The following PRKDC variants were observed in gnomAD, a reference collection of about 807,000 sequenced individuals.
The protein encoded by PRKDC is DNA-dependent protein kinase catalytic subunit.
Under a neutral mutation model 486.9 loss-of-function variants are expected in PRKDC, and 82 were observed. That is an observed-to-expected ratio of 0.17 (90% CI 0.14 to 0.20). PRKDC has a LOEUF of 0.20. Ranked by LOEUF, PRKDC falls within the 10% of genes least tolerant of loss-of-function variation. The pLI is 1.00. For synonymous variants in PRKDC, 1,895 were observed against 1,837.0 expected, an observed-to-expected ratio of 1.03 and a Z score of -0.81; for missense variants, 4,504 against 5,038.2, an observed-to-expected ratio of 0.89 and a Z score of 3.21.
chr8:47,856,380 A>G (rs1294095370), intron 49 of PRKDC, among the ~76,000 whole-genome samples: 1 of 152,036 alleles, frequency 6.6e-6, no homozygotes, highest in East Asian at 1.9e-4. Flanking sequence ...GACATGCAGC[A>G]CCATGTCCAG....
At chr8:47,864,101 T>C (rs1056042088) in intron 41 of PRKDC, among the ~76,000 whole-genome samples, 1 of 151,824 alleles carries the variant, frequency 6.6e-6, no homozygotes, top group Non-Finnish European at 1.5e-5. Flanking sequence ...TTATTTTGGA[T>C]TGTACAGGTG....
chr8:47,879,834 CT>C (rs759336069), intron 38 of PRKDC, among the ~76,000 whole-genome samples, 176 bp from the exon 39 acceptor site: 1,274 of 99,214 alleles, frequency 0.013, 1 homozygote, highest in Middle Eastern at 0.032. Context: ...TATACCTCAG[CT>C]TTTTTTTTTT....
At chr8:47,872,606 C>A (rs2088980323) in intron 40 of PRKDC, among the ~76,000 whole-genome samples, 1 of 151,734 alleles carries the variant, frequency 6.6e-6, no homozygotes, top group African/African-American at 2.4e-5. Context: ...ATATTTCATG[C>A]CAATGGAAAC....
intron 7 of PRKDC, among the ~76,000 whole-genome samples, chr8:47,946,685 G>C (rs1008240963): frequency 1.4e-4 from 22 of 152,218 alleles, no homozygotes; most frequent in African/African-American, 5.3e-4. Context: ...TGTATAGCCT[G>C]AAGTCTGATT....
At position 47,955,968 on chromosome 8, in the gene PRKDC, T is replaced by C; in HGVS notation, c.325-20A>G. The stretch of plus-strand genomic sequence containing the variant: ...AGTGTTCTAGGTTTTAAAAAAAAAA[T>C]AACCAAAATCATCAATAAGATATAA... On this transcript the variant is annotated intron_variant, in intron 3 of 85. Coordinates refer to ENST00000314191, the MANE Select transcript of PRKDC (RefSeq NM_006904.7). 6.7e-7 allele frequency: 1 copy of C among 1,492,670 alleles called. No individual in the cohort carries two copies. Among genetic ancestry groups the C allele is most frequent in the Non-Finnish European group, 9.2e-7 (1 of 1,089,064 alleles). 92.5% of individuals were successfully genotyped at this position (1,492,670 alleles called of 1,614,324 possible).
At chr8:47,775,805 A>G (rs1269948076) in intron 85 of PRKDC, among the ~76,000 whole-genome samples, 1 of 149,920 alleles carries the variant, frequency 6.7e-6, no homozygotes, top group African/African-American at 2.4e-5. Context: ...CAAGGTCAGG[A>G]TGATTTACTC....
intron 52 of PRKDC, 38 bp from the exon 53 acceptor site, chr8:47,849,541 G>T: frequency 6.2e-7 from 1 of 1,603,050 alleles, no homozygotes. Flanking sequence ...CACAAAAGTG[G>T]AAATGTAGGT....
chr8:47,782,577 G>A lies in PRKDC; in HGVS notation c.11197C>T (p.Arg3733Ter), dbSNP rs1387336554. The A allele has an allele frequency of 6.4e-7, 1 of 1,563,454 alleles. No individual in the cohort carries two copies. The change falls in exon 79 of 86, where the codon CGA (arginine) becomes TGA (stop). Residue 3733 changes from arginine to a stop codon, truncating the protein, a stop_gained. Coordinates refer to ENST00000314191, the MANE Select transcript of PRKDC (RefSeq NM_006904.7). LOFTEE classifies it high-confidence loss of function. The surrounding 1 kb of genome is among the most constrained non-coding windows in gnomAD (Gnocchi z 4.9). Reference protein sequence around the residue: ...DERVTVMASLRRPKRIIIRGH... With the variant: ...DERVTVMASL Reference sequence around the variant, plus strand: ...CGGATGATGATGCGCTTGGGCCTTCGCAGAGACGCCATGACTGTCACCTTC... The same window carrying A: ...CGGATGATGATGCGCTTGGGCCTTCACAGAGACGCCATGACTGTCACCTTC...
intron 40 of PRKDC, among the ~76,000 whole-genome samples, chr8:47,873,806 T>C (rs2089019610): frequency 6.6e-6 from 1 of 151,860 alleles, no homozygotes; most frequent in South Asian, 2.1e-4. Context: ...CCAAAAATCA[T>C]TAAAACAATT....
chr8:47,797,631 C>T lies in PRKDC; in HGVS notation c.10458+606G>A, dbSNP rs377341896. Among the ~76,000 whole-genome samples, 14 of 152,326 alleles carry T rather than the reference C, an allele frequency of 9.2e-5. 1 individual carries two copies. Among genetic ancestry groups the T allele is most frequent in the African/African-American group, 3.4e-4 (14 of 41,580 alleles). On this transcript the variant is annotated intron_variant, in intron 73 of 85. Coordinates refer to ENST00000314191, the MANE Select transcript of PRKDC (RefSeq NM_006904.7). The stretch of plus-strand genomic sequence containing the variant: ...TCAACTACGAAGCCTTTCAGAGGCC[C>T]TACACTTTGCAAATGAAGTCAGTGG...
chr8:47,894,191 G>A (rs1225515639), intron 30 of PRKDC, among the ~76,000 whole-genome samples: 1 of 152,092 alleles, frequency 6.6e-6, no homozygotes, highest in African/African-American at 2.4e-5. Flanking sequence ...TGAGGCAGGA[G>A]AATCGCTTAA....
At chr8:47,890,904 T>C (rs1021505551) in intron 31 of PRKDC, among the ~76,000 whole-genome samples, 2 of 152,208 alleles carry the variant, frequency 1.3e-5, no homozygotes, top group Admixed American at 1.3e-4. Flanking sequence ...TTAGCACTGT[T>C]ATCAATAATG....
In PRKDC at chr8:47,900,470, G is replaced by A. The variant is rs2089658961; in HGVS notation, c.3270-3C>T. On this transcript the variant is annotated splice_region_variant and splice_polypyrimidine_tract_variant and intron_variant, in intron 27 of 85. Transcript: ENST00000314191. ...GTTCCACCAGAGACTCTTCTTCCCTGTAAAATAAAGAATAGGAAACCTCAC... is the reference window on the plus strand; with the variant it reads ...GTTCCACCAGAGACTCTTCTTCCCTATAAAATAAAGAATAGGAAACCTCAC... 3 of 1,597,468 alleles carry A rather than the reference G, an allele frequency of 1.9e-6. No individual in the cohort carries two copies. Among genetic ancestry groups the A allele is most frequent in the East Asian group, 2.2e-5 (1 of 44,622 alleles).
Position 47,819,513 on chromosome 8 carries a change from TAAAAAAAAA to T in PRKDC, c.9337-12_9337-4del, listed in dbSNP as rs11311765. ...AGGACATCAATACTAGAATAATTCT[TAAAAAAAAA>T]AAAAAAAAAAAAGGGCATTTACAAA... On this transcript the variant is annotated splice_region_variant and splice_polypyrimidine_tract_variant and intron_variant, in intron 66 of 85. Transcript: ENST00000314191. 2.0e-5 allele frequency: 11 copies of T among 552,030 alleles called. No individual in the cohort carries two copies. Among genetic ancestry groups the T allele is most frequent in the African/African-American group, 5.2e-5 (2 of 38,758 alleles). 34.2% of individuals were successfully genotyped at this position (552,030 alleles called of 1,614,324 possible).
chr8:47,956,389 C>T (rs2090700491), intron 3 of PRKDC, among the ~76,000 whole-genome samples: 1 of 151,066 alleles, frequency 6.6e-6, no homozygotes, highest in Non-Finnish European at 1.5e-5. Flanking sequence ...TTGAGGATTA[C>T]AGTGTGGTTC....
chr8:47,864,479 T>C lies in PRKDC; in HGVS notation c.5571+77A>G. 3 of 1,315,534 alleles carry C rather than the reference T, an allele frequency of 2.3e-6. No individual in the cohort carries two copies. The South Asian group carries it at 4.2e-5, about 18-fold the overall frequency. The allele number at this position is 1,315,534 out of a possible 1,614,324, so 81.5% of individuals were successfully genotyped here. On this transcript the variant is annotated intron_variant, in intron 41 of 85. Transcript: ENST00000314191. The stretch of plus-strand genomic sequence containing the variant: ...CCTTGAACAGCAGAGGCCATGTGAC[T>C]GAGCACACAGCAGTGTCTAGGCACA...
intron 42 of PRKDC, 38 bp downstream of exon 42, chr8:47,863,361 A>T (rs1434909296): frequency 1.3e-6 from 2 of 1,492,206 alleles, no homozygotes; most frequent in South Asian, 1.2e-5. Flanking sequence ...CAAAGCATTG[A>T]TAAATAAAAT....
At chr8:47,911,270 G>A (rs1014897458) in intron 25 of PRKDC, among the ~76,000 whole-genome samples, 1 of 152,210 alleles carries the variant, frequency 6.6e-6, no homozygotes, top group African/African-American at 2.4e-5. Context: ...GTAAAGCACT[G>A]ACCACTCCCA....
At position 47,888,532 on chromosome 8, in the gene PRKDC, T is replaced by C. The variant is rs2089385248; in HGVS notation, c.4399A>G (p.Ile1467Val). The change falls in exon 34 of 86, where the codon ATA (isoleucine) becomes GTA (valine). Residue 1467 changes from isoleucine to valine, a missense_variant. Physicochemically the swap from Ile to Val is conservative, Grantham distance 29. Around this residue, in one of 6 missense-constraint regions of PRKDC, gnomAD observed 1,969 missense variants for 2,068.9 expected, o/e 0.95. Transcript: ENST00000314191. ...GTTATAGTTACCTGAGACGGTAATA[T>C]ATTATGCAGAAGCCCAGCTCTGTGA... ...QLHRAGLLHN[I>V]LPSQSTDLHH... The C allele has an allele frequency of 6.4e-7, 1 of 1,566,040 alleles. No individual in the cohort carries two copies. The highest frequency in any genetic ancestry group is 8.7e-7 in the Non-Finnish European group (1 of 1,154,732).
Sources: allele counts gnomAD v4.1 joint callset (sites outside exome capture counted in the v4.1 genomes callset), GRCh38; gene constraint gnomAD v4.1.1; regional missense constraint gnomAD v4.1.1; non-coding constraint Gnocchi (gnomAD v3.1); transcripts MANE v1.5; gene names NCBI Gene and HGNC (gene_info 2026-07-23, HGNC 2026-07-21).